RAP1A: variants seen among roughly 807,000 people sequenced by gnomAD.
RAP1A encodes RAP1A, member of RAS oncogene family.
RAP1A carries 6 observed loss-of-function variants against 26.4 expected under a neutral mutation model. That is an observed-to-expected ratio of 0.23 (90% CI 0.12 to 0.45). The LOEUF (loss-of-function observed/expected upper bound fraction) is 0.45, where lower values mean the gene tolerates loss of function less well. Ranked by LOEUF, RAP1A falls within the 20% of genes least tolerant of loss-of-function variation. RAP1A has a pLI of 0.99. For missense variants in RAP1A, 121 were observed against 217.2 expected, an observed-to-expected ratio of 0.56 and a Z score of 2.78; for synonymous variants, 73 against 79.4, an observed-to-expected ratio of 0.92 and a Z score of 0.43.
chr1:111,614,522 T>C (rs1295661302), intron 1 of RAP1A, among the ~76,000 whole-genome samples: 2 of 152,236 alleles, frequency 1.3e-5, no homozygotes, highest in African/African-American at 4.8e-5. Context: ...ATAATGGTGT[T>C]CTTTAGCATT....
intron 1 of RAP1A, among the ~76,000 whole-genome samples, chr1:111,677,700 G>A (rs1419588050): frequency 2.0e-5 from 3 of 152,150 alleles, no homozygotes; most frequent in Admixed American, 2.0e-4. Context: ...TTCTCTCAGA[G>A]CAAATGATCC....
chr1:111,660,760 G>C (rs1660608291), intron 1 of RAP1A, among the ~76,000 whole-genome samples: 1 of 152,198 alleles, frequency 6.6e-6, no homozygotes, highest in South Asian at 2.1e-4. Flanking sequence ...CTAAAAGCCT[G>C]TATTTAGCTC....
intron 1 of RAP1A, among the ~76,000 whole-genome samples, chr1:111,655,790 C>T (rs1204354010): frequency 6.6e-6 from 1 of 151,366 alleles, no homozygotes; most frequent in Non-Finnish European, 1.5e-5. Flanking sequence ...TCTCCCGCCT[C>T]AGCCTCCCGA....
intron 1 of RAP1A, among the ~76,000 whole-genome samples, chr1:111,553,630 C>T (rs1484185180): frequency 6.6e-6 from 1 of 152,192 alleles, no homozygotes; most frequent in Non-Finnish European, 1.5e-5. Flanking sequence ...CTCCTTCCTA[C>T]CTACTCAGCT....
At chr1:111,616,112 A>G (rs1304197506), upstream of RAP1A, among the ~76,000 whole-genome samples, 1 of 152,216 alleles carries the variant, frequency 6.6e-6, no homozygotes, top group Non-Finnish European at 1.5e-5. Flanking sequence ...AGCTGGATTT[A>G]GGAAGAAAGG....
chr1:111,673,962 A>G (rs1661050252), intron 1 of RAP1A, among the ~76,000 whole-genome samples: 1 of 152,162 alleles, frequency 6.6e-6, no homozygotes, highest in African/African-American at 2.4e-5. Context: ...TGGAACTTGA[A>G]TGTCTTGCCA....
At position 111,695,403 on chromosome 1, in the gene RAP1A, C is replaced by CA; in HGVS notation, c.121dup (p.Arg41LysfsTer5). On this transcript the variant is annotated frameshift_variant, in exon 3 of 8. Coordinates refer to ENST00000369709, the MANE Select transcript of RAP1A (RefSeq NM_002884.4). LOFTEE classifies it high-confidence loss of function. ...ATGACCCAACGATAGAAGATTCCTA[C>CA]AGAAAGGTAAAATGTGAAACTTGTA... The CA allele has an allele frequency of 6.4e-7, 1 of 1,556,978 alleles. No individual in the cohort carries two copies. The highest frequency in any genetic ancestry group is 8.6e-7 in the Non-Finnish European group (1 of 1,156,212).
At chr1:111,627,574 A>G (rs1214440120) in intron 1 of RAP1A, 3 of 152,006 alleles carry the variant, frequency 2.0e-5, no homozygotes, top group Admixed American at 2.0e-4. Flanking sequence ...GTCAGTTTTT[A>G]CAATCTTTGC....
intron 1 of RAP1A, among the ~76,000 whole-genome samples, chr1:111,650,836 C>G (rs1454870691): frequency 6.6e-6 from 1 of 151,954 alleles, no homozygotes; most frequent in African/African-American, 2.4e-5. Flanking sequence ...TGCTCTGTCG[C>G]CCAGGCTGGA....
chr1:111,649,013 A>G (rs367612047), intron 1 of RAP1A: 3 of 620,146 alleles, frequency 4.8e-6, no homozygotes, highest in East Asian at 3.7e-5. Context: ...TGATGTCATC[A>G]TTGACCTTGT....
At chr1:111,568,683 C>G (rs2101053988) in intron 1 of RAP1A, among the ~76,000 whole-genome samples, 1 of 152,292 alleles carries the variant, frequency 6.6e-6, no homozygotes, top group South Asian at 2.1e-4. Flanking sequence ...AACACAGGTT[C>G]AAACTGCACA....
chr1:111,674,175 G>A (rs1398662739), intron 1 of RAP1A, among the ~76,000 whole-genome samples: 1 of 152,108 alleles, frequency 6.6e-6, no homozygotes, highest in Non-Finnish European at 1.5e-5. Context: ...TTCACATCTT[G>A]TTAAAATGTC....
Position 111,651,473 on chromosome 1 carries a change from A to ATT in RAP1A, c.-28+31560_-28+31561dup, listed in dbSNP as rs5777070. Among the ~76,000 whole-genome samples the ATT allele has an allele frequency of 5.6e-3, 690 of 123,776 alleles. 12 individuals are homozygous for ATT. Among genetic ancestry groups the ATT allele is most frequent in the African/African-American group, 0.014 (458 of 33,266 alleles). The allele number at this position is 123,776 out of a possible 152,430, so 81.2% of individuals were successfully genotyped here. A position where few individuals can be genotyped will look rare whatever the true frequency, so the allele number is the denominator to read the frequency against. On this transcript the variant is annotated intron_variant, in intron 1 of 7. Transcript: ENST00000369709. ...AATGCCTATGGGAGATATATATATA[A>ATT]TTTTTTTTTTTTTTTTTTTTTTAGA...
At chr1:111,667,101 G>A (rs932108183) in intron 1 of RAP1A, among the ~76,000 whole-genome samples, 1 of 152,188 alleles carries the variant, frequency 6.6e-6, no homozygotes, top group African/African-American at 2.4e-5. Context: ...CAATGGACTA[G>A]TTAAGAGGCT....
At chr1:111,707,505 A>G (rs1274248392) in intron 6 of RAP1A, among the ~76,000 whole-genome samples, 1 of 152,194 alleles carries the variant, frequency 6.6e-6, no homozygotes, top group East Asian at 1.9e-4. Flanking sequence ...ATGTATCCTC[A>G]GATCAAAGAC....
chr1:111,642,075 T>C (rs1659907096), intron 1 of RAP1A, among the ~76,000 whole-genome samples: 1 of 152,122 alleles, frequency 6.6e-6, no homozygotes, highest in South Asian at 2.1e-4. Flanking sequence ...AGAAACCCTG[T>C]CTCTACTAAA....
At position 111,703,347 on chromosome 1, in the gene RAP1A, A is replaced by G; in HGVS notation, c.195A>G (p.Thr65=). 1 of 1,560,662 alleles carries G rather than the reference A, an allele frequency of 6.4e-7. No homozygotes were observed. Residue 65 remains threonine (T), a synonymous_variant, in exon 5 of 8, where the codon ACA becomes ACG. Transcript: ENST00000369709. ...ILDTAGTEQF[T]AMRDLYMKNG... is the part of the protein sequence containing the mutation. ...TTTTTAAATCATAGGAGCAATTTAC[A>G]GCAATGAGGGATTTGTATATGAAGA...
chr1:111,639,020 G>T (rs973794991), intron 1 of RAP1A, among the ~76,000 whole-genome samples: 1 of 151,932 alleles, frequency 6.6e-6, no homozygotes, highest in Non-Finnish European at 1.5e-5. Context: ...GAGCTTTCTG[G>T]GAATACTTGG....
intron 1 of RAP1A, among the ~76,000 whole-genome samples, chr1:111,683,964 C>T (rs965950510): frequency 6.6e-6 from 1 of 152,150 alleles, no homozygotes; most frequent in Admixed American, 6.5e-5. Context: ...TTATCCACTG[C>T]GATCAAGTTG....
Sources: allele counts gnomAD v4.1 joint callset (sites outside exome capture counted in the v4.1 genomes callset), GRCh38; gene constraint gnomAD v4.1.1; transcripts MANE v1.5; gene names NCBI Gene and HGNC (gene_info 2026-07-23, HGNC 2026-07-21).